The following DDX60L variants were observed in gnomAD, a reference collection of about 807,000 sequenced individuals.
DDX60L encodes the protein probable ATP-dependent RNA helicase DDX60-like.
Under a neutral mutation model 211.6 loss-of-function variants are expected in DDX60L, and 191 were observed. That is an observed-to-expected ratio of 0.90 (90% confidence interval 0.80 to 1.02). The LOEUF (loss-of-function observed/expected upper bound fraction) is 1.02, where lower values mean the gene tolerates loss of function less well. Ranked by LOEUF, DDX60L falls within the 50% of genes least tolerant of loss-of-function variation. DDX60L has a pLI of 0.00. For synonymous variants in DDX60L, 706 were observed against 694.1 expected, an observed-to-expected ratio of 1.02 and a Z score of -0.27; for missense variants, 2,007 against 1,984.1, an observed-to-expected ratio of 1.01 and a Z score of -0.22.
At chr4:168,401,077 C>G (rs892637170) in intron 25 of DDX60L, 99 bp from the exon 26 acceptor site, 8 of 1,114,316 alleles carry the variant, frequency 7.2e-6, no homozygotes, top group Non-Finnish European at 1.0e-5. Flanking sequence ...TCTGAATAGA[C>G]TTCATCCTAG....
At chr4:168,457,652 C>G (rs992482894) in intron 6 of DDX60L, among the ~76,000 whole-genome samples, 10 of 152,088 alleles carry the variant, frequency 6.6e-5, no homozygotes, top group African/African-American at 2.4e-4. Context: ...CTACAATTTT[C>G]TAGTTTCCCA....
chr4:168,457,859 A>C, intron 6 of DDX60L, 33 bp downstream of exon 6: 1 of 1,364,740 alleles, frequency 7.3e-7, no homozygotes, highest in Non-Finnish European at 1.0e-6. Context: ...AATTCTATCA[A>C]ACTTTTATTT....
At chr4:168,403,879 G>T in intron 25 of DDX60L, 103 bp downstream of exon 25, 1 of 545,672 alleles carries the variant, frequency 1.8e-6, no homozygotes, top group Non-Finnish European at 2.9e-6. Flanking sequence ...GGTAAAAGTA[G>T]GGTTACTTCT....
rs546286123 is a variant in DDX60L at position 168,376,046 on chromosome 4, A to T, written c.4486-522T>A. On this transcript the variant is annotated intron_variant, in intron 33 of 37. Transcript: ENST00000682922. The stretch of plus-strand genomic sequence containing the variant: ...TAAACTTGTTCCAAACCTGACAGGT[A>T]GTAGATAGAGAAGTAGCTGGTATTG... 3.9e-5 allele frequency among the ~76,000 whole-genome samples: 6 copies of T among 152,344 alleles called. No homozygotes were observed. In the South Asian group the frequency reaches 1.2e-3, roughly 32 times the overall value.
chr4:168,450,147 C>T (rs530801926), intron 8 of DDX60L, among the ~76,000 whole-genome samples: 37 of 152,208 alleles, frequency 2.4e-4, no homozygotes, highest in African/African-American at 8.4e-4. Context: ...AAGATTCTGA[C>T]CCTCCCCAGT....
intron 30 of DDX60L, among the ~76,000 whole-genome samples, chr4:168,383,456 A>G (rs1482576760): frequency 1.3e-5 from 2 of 152,212 alleles, no homozygotes; most frequent in Admixed American, 1.3e-4. Flanking sequence ...GGGGACAAGA[A>G]GTGGGCTGAT....
intron 10 of DDX60L, among the ~76,000 whole-genome samples, chr4:168,433,365 T>A (rs905259588): frequency 6.6e-6 from 1 of 152,046 alleles, no homozygotes; most frequent in Non-Finnish European, 1.5e-5. Flanking sequence ...GACAAACATG[T>A]AGATTTTCCA....
rs1170125555 is a variant in DDX60L, at chr4:168,357,139, T to C, written c.*1008A>G. 4 of 152,172 alleles carry C rather than the reference T, an allele frequency of 2.6e-5. No individual in the cohort carries two copies. The highest frequency in any genetic ancestry group is 7.2e-5 in the African/African-American group (3 of 41,408). The allele number at this position is 152,172 out of a possible 1,614,324, so 9.4% of individuals were successfully genotyped here. ...TCCATATTCGGGTTCACAGGGTATA[T>C]ATATTTTTTCTGTTAGATACACACT... is the stretch of plus-strand genomic sequence containing the variant. On this transcript the variant is annotated 3_prime_UTR_variant, in exon 38 of 38. Transcript: ENST00000682922.
chr4:168,457,834 CA>C, intron 6 of DDX60L, 57 bp downstream of exon 6: 1 of 1,100,210 alleles, frequency 9.1e-7, no homozygotes, highest in South Asian at 1.5e-5. Context: ...ATCACAAGTT[CA>C]TTCTCATTTA....
intron 1 of DDX60L, chr4:168,476,204 C>T (rs1371246382): frequency 1.3e-5 from 2 of 151,714 alleles, no homozygotes; most frequent in Non-Finnish European, 2.9e-5. Flanking sequence ...AAAAAACAAA[C>T]ACTTATCCCC....
At chr4:168,379,250 T>C in intron 32 of DDX60L, 113 bp downstream of exon 32, 1 of 972,230 alleles carries the variant, frequency 1.0e-6, no homozygotes, top group Non-Finnish European at 1.5e-6. Flanking sequence ...TACTTAGTAT[T>C]TATTTGCTTT....
chr4:168,364,776 T>C (rs970795288), intron 36 of DDX60L, among the ~76,000 whole-genome samples: 2 of 152,168 alleles, frequency 1.3e-5, no homozygotes, highest in African/African-American at 4.8e-5. Context: ...ATATGTTTGA[T>C]CACCAAACAA....
At chr4:168,387,152 G>A (rs999704405) in intron 29 of DDX60L, among the ~76,000 whole-genome samples, 5 of 152,182 alleles carry the variant, frequency 3.3e-5, no homozygotes, top group African/African-American at 1.2e-4. Flanking sequence ...AGGTAAAACA[G>A]AACTAGGCAG....
At chr4:168,477,941 G>T (rs1410615721) in intron 1 of DDX60L, among the ~76,000 whole-genome samples, 3 of 152,176 alleles carry the variant, frequency 2.0e-5, no homozygotes, top group Admixed American at 2.0e-4. Flanking sequence ...GGAAAGAAGA[G>T]AATTGGCTGG....
rs761275670 is a variant in DDX60L, at chr4:168,397,925, C to A, written c.3492-1801G>T. Among the ~76,000 whole-genome samples, 54 of 152,058 alleles carry A rather than the reference C, an allele frequency of 3.6e-4. 1 individual carries two copies. The highest frequency in any genetic ancestry group is 3.1e-3 in the Admixed American group (48 of 15,270). Reference sequence around the variant, plus strand: ...CAGCTGCAGCTGCAGACCCAGGCATCCCTGTGCTCTTGGGGGCTGGGAGCA... The same window carrying A: ...CAGCTGCAGCTGCAGACCCAGGCATACCTGTGCTCTTGGGGGCTGGGAGCA... On this transcript the variant is annotated intron_variant, in intron 26 of 37. Transcript: ENST00000682922.
chr4:168,433,410 GT>G (rs1465096188), intron 10 of DDX60L, among the ~76,000 whole-genome samples: 1 of 151,874 alleles, frequency 6.6e-6, no homozygotes, highest in Non-Finnish European at 1.5e-5. Flanking sequence ...TTATGTCACA[GT>G]ATGAATAATG....
chr4:168,396,146 A>AG, intron 26 of DDX60L, 22 bp from the exon 27 acceptor site: 1 of 1,394,692 alleles, frequency 7.2e-7, no homozygotes, highest in Non-Finnish European at 9.6e-7. Context: ...AAAAAAAAAA[A>AG]AACTTTTAAG....
At chr4:168,461,317 T>C (rs898265042) in intron 5 of DDX60L, among the ~76,000 whole-genome samples, 4 of 152,210 alleles carry the variant, frequency 2.6e-5, no homozygotes, top group Admixed American at 1.3e-4. Context: ...AGGGGCTCTG[T>C]GACAGCAACT....
intron 10 of DDX60L, among the ~76,000 whole-genome samples, chr4:168,435,187 T>G (rs1752871796): frequency 1.3e-5 from 2 of 152,190 alleles, no homozygotes; most frequent in Non-Finnish European, 2.9e-5. Flanking sequence ...CCCTGAATCT[T>G]CTGTGTGGTT....
Sources: gnomAD v4.1 joint callset for allele counts (sites outside exome capture counted in the v4.1 genomes callset) on GRCh38, gnomAD v4.1.1 for gene constraint, MANE v1.5 for transcripts, NCBI Gene and HGNC (gene_info 2026-07-23, HGNC 2026-07-21) for gene names.